The following KCNH8 variants were observed in gnomAD, a reference collection of about 807,000 sequenced individuals.
KCNH8 encodes the protein voltage-gated delayed rectifier potassium channel KCNH8.
KCNH8 carries 70 observed loss-of-function variants against 103.6 expected under a neutral mutation model. The ratio of observed to expected loss-of-function variants is 0.68; its 90% CI spans 0.56 to 0.82. The LOEUF is 0.82. KCNH8 is among the 40% of genes least tolerant of loss of function. The pLI is 0.00. For synonymous variants in KCNH8, 498 were observed against 489.4 expected (o/e 1.02, Z -0.23); for missense variants, 1,217 against 1,329.9 (o/e 0.92, Z 1.32).
At chr3:19,267,794 C>G (rs756192648) in intron 2 of KCNH8, among the ~76,000 whole-genome samples, 15 of 152,232 alleles carry the variant, frequency 9.9e-5, no homozygotes, top group Non-Finnish European at 2.1e-4. Context: ...TCATATCTAC[C>G]AGACCAAAAG....
intron 11 of KCNH8, among the ~76,000 whole-genome samples, chr3:19,473,909 T>C (rs2067916079): frequency 1.3e-5 from 2 of 152,222 alleles, no homozygotes; most frequent in African/African-American, 4.8e-5. Flanking sequence ...GTTAGGACTT[T>C]TTAAAACGTA....
chr3:19,450,681 G>T (rs953657508), intron 9 of KCNH8: 12 of 291,972 alleles, frequency 4.1e-5, no homozygotes, highest in East Asian at 2.9e-4. Flanking sequence ...CATCAAAGGG[G>T]TTATCTTTAT....
At chr3:19,473,639 A>T (rs1458607123) in intron 11 of KCNH8, among the ~76,000 whole-genome samples, 1 of 152,174 alleles carries the variant, frequency 6.6e-6, no homozygotes, top group Non-Finnish European at 1.5e-5. Flanking sequence ...TTCTTCCCAG[A>T]CTGTTTCATT....
At chr3:19,238,697 T>G (rs2064096024) in intron 1 of KCNH8, among the ~76,000 whole-genome samples, 1 of 152,208 alleles carries the variant, frequency 6.6e-6, no homozygotes, top group South Asian at 2.1e-4. Context: ...AAAATAAAGC[T>G]TACTGTGATG....
At chr3:19,333,884 A>G (rs1025911802) in intron 3 of KCNH8, among the ~76,000 whole-genome samples, 1 of 152,136 alleles carries the variant, frequency 6.6e-6, no homozygotes, top group African/African-American at 2.4e-5. Flanking sequence ...TGTATCAGCA[A>G]GTAGTTTTTC....
At chr3:19,295,826 A>G (rs1427328101) in intron 3 of KCNH8, among the ~76,000 whole-genome samples, 1 of 152,168 alleles carries the variant, frequency 6.6e-6, no homozygotes, top group Non-Finnish European at 1.5e-5. Context: ...ACTATTTGGT[A>G]CCAAGAGCAT....
At chr3:19,240,392 C>T (rs776968909) in intron 1 of KCNH8, among the ~76,000 whole-genome samples, 1 of 152,066 alleles carries the variant, frequency 6.6e-6, no homozygotes, top group Non-Finnish European at 1.5e-5. Context: ...GTGAGCGGAT[C>T]GCCTGAGGTC....
At chr3:19,336,606 T>G (rs1453069876) in intron 3 of KCNH8, among the ~76,000 whole-genome samples, 4 of 151,912 alleles carry the variant, frequency 2.6e-5, no homozygotes, top group African/African-American at 9.7e-5. Context: ...TTTATTTATT[T>G]TTTGCCACCA....
intron 3 of KCNH8, among the ~76,000 whole-genome samples, chr3:19,294,321 G>A (rs557713708): frequency 6.6e-5 from 10 of 152,112 alleles, no homozygotes; most frequent in Non-Finnish European, 7.4e-5. Context: ...TATGTACTTC[G>A]AATATTTTAA....
chr3:19,247,890 G>A (rs1349275761), intron 1 of KCNH8, among the ~76,000 whole-genome samples: 1 of 152,122 alleles, frequency 6.6e-6, no homozygotes, highest in Non-Finnish European at 1.5e-5. Context: ...AGGCTACAAA[G>A]GGAGAATGGT....
At chr3:19,308,125 T>C (rs1285507527) in intron 3 of KCNH8, among the ~76,000 whole-genome samples, 1 of 151,968 alleles carries the variant, frequency 6.6e-6, no homozygotes, top group African/African-American at 2.4e-5. Flanking sequence ...CTATATGTTA[T>C]ATGTATTGAA....
intron 2 of KCNH8, among the ~76,000 whole-genome samples, 189 bp from the exon 3 acceptor site, chr3:19,281,009 C>T (rs529023713): frequency 1.3e-5 from 2 of 151,998 alleles, no homozygotes; most frequent in South Asian, 4.2e-4. Context: ...AAAGCATTTC[C>T]TTTGGAATGA....
At chr3:19,151,559 A>G (rs1451985615) in intron 1 of KCNH8, among the ~76,000 whole-genome samples, 1 of 152,116 alleles carries the variant, frequency 6.6e-6, no homozygotes, top group African/African-American at 2.4e-5. Context: ...ATTGGAGAAT[A>G]ATAAAACAAT....
At chr3:19,254,932 C>T (rs1191324950) in intron 2 of KCNH8, among the ~76,000 whole-genome samples, 2 of 152,084 alleles carry the variant, frequency 1.3e-5, no homozygotes, top group Non-Finnish European at 2.9e-5. Flanking sequence ...ATCTCCTTTC[C>T]CTTTCCCATG....
chr3:19,421,263 GT>G (rs2066946999), intron 7 of KCNH8, among the ~76,000 whole-genome samples: 1 of 151,952 alleles, frequency 6.6e-6, no homozygotes, highest in Non-Finnish European at 1.5e-5. Flanking sequence ...AAAAATCTTT[GT>G]TTGACCAAAT....
chr3:19,273,165 C>G (rs80086856), intron 2 of KCNH8, among the ~76,000 whole-genome samples: 2,544 of 152,322 alleles, frequency 0.017, 77 homozygotes, highest in African/African-American at 0.057. Flanking sequence ...CATTGCTCTG[C>G]AAAGGCCATA....
chr3:19,455,655 A>G (rs921351713), intron 10 of KCNH8, among the ~76,000 whole-genome samples: 1 of 152,080 alleles, frequency 6.6e-6, no homozygotes, highest in Non-Finnish European at 1.5e-5. Context: ...AGGACTCAAT[A>G]CAAGGTCCAG....
intron 6 of KCNH8, among the ~76,000 whole-genome samples, chr3:19,394,402 C>T (rs996275462): frequency 1.3e-4 from 19 of 151,912 alleles, no homozygotes; most frequent in Non-Finnish European, 1.9e-4. Context: ...ATAGTGGATG[C>T]AAAGGCACTA....
intron 1 of KCNH8, among the ~76,000 whole-genome samples, chr3:19,239,191 C>T (rs1317820407): frequency 6.6e-6 from 1 of 151,934 alleles, no homozygotes; most frequent in Non-Finnish European, 1.5e-5. Flanking sequence ...TGGCTATAGG[C>T]TTTTGCTGGC....
Sources: allele counts gnomAD v4.1 joint callset (sites outside exome capture counted in the v4.1 genomes callset), GRCh38; gene constraint gnomAD v4.1.1; transcripts MANE v1.5; gene names NCBI Gene and HGNC (gene_info 2026-07-23, HGNC 2026-07-21).